CYP11B1: variants seen among roughly 807,000 people sequenced by gnomAD.
The protein encoded by CYP11B1 is cytochrome P450 11B1, mitochondrial.
CYP11B1 carries 34 observed loss-of-function variants against 48.3 expected under a neutral mutation model. That is an observed-to-expected ratio of 0.70 (90% CI 0.54 to 0.94). The LOEUF (loss-of-function observed/expected upper bound fraction) is 0.94, where lower values mean the gene tolerates loss of function less well. Among genes scored for constraint, CYP11B1 ranks in the 40% least tolerant of loss-of-function variants. CYP11B1 has a pLI of 0.00. For synonymous variants in CYP11B1, 291 were observed against 262.5 expected (o/e 1.11, Z -1.05); for missense variants, 688 against 657.4 (o/e 1.05, Z -0.51).
chr8:142,879,253 C>G, intron 1 of CYP11B1, 66 bp from the exon 2 acceptor site: 3 of 1,611,828 alleles, frequency 1.9e-6, no homozygotes, highest in Non-Finnish European at 2.5e-6. Flanking sequence ...CCCTGCAGTC[C>G]CAATCCAAAG....
Position 142,872,790 on chromosome 8 carries a change from G to A in CYP11B1, c.*1583C>T, listed in dbSNP as rs1203108540. 6.6e-6 allele frequency: 1 copy of A among 152,230 alleles called. No homozygotes were observed. Among genetic ancestry groups the A allele is most frequent in the African/African-American group, 2.4e-5 (1 of 41,456 alleles). The allele number at this position is 152,230 out of a possible 1,614,324, so 9.4% of individuals were successfully genotyped here. A position where few individuals can be genotyped will look rare whatever the true frequency, so the allele number is the denominator to read the frequency against. On this transcript the variant is annotated 3_prime_UTR_variant, in exon 9 of 9. Coordinates refer to ENST00000292427, the MANE Select transcript of CYP11B1 (RefSeq NM_000497.4). Reference sequence around the variant, plus strand: ...TAGGCTGAAATCTAGTCACCAAGGTGACGATAATAGCAGGGCCGGGCCTTT... The same window carrying A: ...TAGGCTGAAATCTAGTCACCAAGGTAACGATAATAGCAGGGCCGGGCCTTT...
intron 5 of CYP11B1, 125 bp downstream of exon 5, chr8:142,876,116 A>G: frequency 7.2e-7 from 1 of 1,383,310 alleles, no homozygotes; most frequent in Non-Finnish European, 1.0e-6. Flanking sequence ...CACAATCCCA[A>G]GTAAGAAATG....
At chr8:142,878,969 C>G in intron 2 of CYP11B1, 63 bp downstream of exon 2, 2 of 1,596,386 alleles carry the variant, frequency 1.3e-6, no homozygotes, top group Non-Finnish European at 1.7e-6. Context: ...GGTCCTGCCT[C>G]TCTCGCCTCC....
At position 142,876,761 on chromosome 8, in the gene CYP11B1, C is replaced by T; in HGVS notation, c.720G>A (p.Met240Ile). ...TGGTCCAGCGAGACAGGCTCCTGGGCATGAACATGAGCTGGACGGTGGATT... is the reference window on the plus strand; with the variant it reads ...TGGTCCAGCGAGACAGGCTCCTGGGTATGAACATGAGCTGGACGGTGGATT... ...MFKSTVQLMF[M>I]PRSLSRWTSP... Residue 240 changes from methionine (M) to isoleucine (I), a missense_variant, in exon 4 of 9, where the codon ATG becomes ATA. By Grantham distance (10) the Met-to-Ile change is conservative (BLOSUM62 1). Transcript: ENST00000292427. 1 of 1,614,050 alleles carries T rather than the reference C, an allele frequency of 6.2e-7. No individual in the cohort carries two copies. Among genetic ancestry groups the T allele is most frequent in the Admixed American group, 1.7e-5 (1 of 60,014 alleles).
At chr8:142,876,427 T>C in intron 4 of CYP11B1, 32 bp from the exon 5 acceptor site, 2 of 1,604,716 alleles carry the variant, frequency 1.2e-6, no homozygotes, top group East Asian at 4.5e-5. Flanking sequence ...GCCCTCAGAC[T>C]TTGGTGCTGG....
At position 142,875,728 on chromosome 8, in the gene CYP11B1, G is replaced by C. The variant is rs771110644; in HGVS notation, c.1105C>G (p.Leu369Val). ...AGCACCCACCGCAAGGTCTCCTTGAGGGCCGCACGCAGCAAGGGCAGCTCG... is the reference window on the plus strand; with the variant it reads ...AGCACCCACCGCAAGGTCTCCTTGACGGCCGCACGCAGCAAGGGCAGCTCG... ...TTELPLLRAA[L>V]KETLRLYPVG... is the part of the protein sequence containing the mutation. Residue 369 changes from leucine to valine, a missense_variant, in exon 6 of 9, where the codon CTC (leucine) becomes GTC (valine). Physicochemically the swap from Leu to Val is conservative, Grantham distance 32. Transcript: ENST00000292427. 1.9e-6 allele frequency: 3 copies of C among 1,613,994 alleles called. No individual in the cohort carries two copies. In the Admixed American group the frequency reaches 5.0e-5, roughly 27 times the overall value.
intron 8 of CYP11B1, among the ~76,000 whole-genome samples, chr8:142,874,754 G>C (rs1408453192): frequency 6.6e-6 from 1 of 152,126 alleles, no homozygotes; most frequent in Non-Finnish European, 1.5e-5. Context: ...ACCTCACCCA[G>C]ATGGTACGCT....
chr8:142,879,723 C>G lies in CYP11B1; in HGVS notation c.91G>C (p.Val31Leu), dbSNP rs1402877642. The change falls in exon 1 of 9, where the codon GTC becomes CTC. Residue 31 changes from valine (V) to leucine (L), a missense_variant. Transcript: ENST00000292427. Reference sequence around the variant, plus strand: ...TCAAAGGGCAGCACTGTCCTGGGGACCCGGGCGGCTCTCGTGCCCAGTGCC... The same window carrying G: ...TCAAAGGGCAGCACTGTCCTGGGGAGCCGGGCGGCTCTCGTGCCCAGTGCC... ...AQALGTRAAR[V>L]PRTVLPFEAM... 1 of 1,614,236 alleles carries G rather than the reference C, an allele frequency of 6.2e-7. No homozygotes were observed. The highest frequency in any genetic ancestry group is 8.5e-7 in the Non-Finnish European group (1 of 1,180,042).
rs1425271405 is a variant in CYP11B1, at chr8:142,879,602, G to T, written c.212C>A (p.Thr71Asn). The change falls in exon 1 of 9, where the codon ACC (threonine) becomes AAC (asparagine). Residue 71 changes from threonine (T) to asparagine (N), a missense_variant. By Grantham distance (65) the Thr-to-Asn change is moderately conservative. Coordinates refer to ENST00000292427, the MANE Select transcript of CYP11B1 (RefSeq NM_000497.4). Reference sequence around the variant, plus strand: ...GAAAATGGGCCCTAGTTCCTGGAAGGTCTGGTGTACTTCCAGGTGCAGGTC... The same window carrying T: ...GAAAATGGGCCCTAGTTCCTGGAAGTTCTGGTGTACTTCCAGGTGCAGGTC... ...YEDLHLEVHQ[T>N]FQELGPIFRY... 6.2e-7 allele frequency: 1 copy of T among 1,614,230 alleles called. No individual in the cohort carries two copies. The highest frequency in any genetic ancestry group is 1.7e-5 in the Admixed American group (1 of 60,034).
In CYP11B1 at chr8:142,876,837, CTG is replaced by C. The variant is rs1369163428; in HGVS notation, c.642_643del (p.His214GlnfsTer44). 14 of 1,614,028 alleles carry C rather than the reference CTG, an allele frequency of 8.7e-6. No homozygotes were observed. The highest frequency in any genetic ancestry group is 1.2e-5 in the Non-Finnish European group (14 of 1,180,040). On this transcript the variant is annotated frameshift_variant, in exon 4 of 9. Coordinates refer to ENST00000292427, the MANE Select transcript of CYP11B1 (RefSeq NM_000497.4). LOFTEE classifies it high-confidence loss of function. Reference sequence around the variant, plus strand: ...GAAGTTCAGGCTGGCAGAACTGGGGCTGTGGCCAACCAGGCCCAGCCGCTCTC... The same window carrying C: ...GAAGTTCAGGCTGGCAGAACTGGGGCTGGCCAACCAGGCCCAGCCGCTCTC...
Position 142,874,959 on chromosome 8 carries a change from G to C in CYP11B1, c.1396C>G (p.His466Asp). The part of the protein sequence containing the change: ...AEAEMLLLLH[H>D]VLKHLQVETL... ...CTCCCCAGCCCGGGCCTGCTCACAT[G>C]GTGCAGCAGCAGCAGCATCTCTGCC... The change falls in exon 8 of 9, where the codon CAT (histidine) becomes GAT (aspartate). Residue 466 changes from histidine (H) to aspartate (D), a missense_variant and splice_region_variant. Physicochemically the swap from His to Asp is moderately conservative, Grantham distance 81. Coordinates refer to ENST00000292427, the MANE Select transcript of CYP11B1 (RefSeq NM_000497.4). 6.2e-7 allele frequency: 1 copy of C among 1,613,424 alleles called. No individual in the cohort carries two copies. Among genetic ancestry groups the C allele is most frequent in the Non-Finnish European group, 8.5e-7 (1 of 1,180,006 alleles).
chr8:142,877,243 C>T (rs1039864381), intron 2 of CYP11B1, 21 bp from the exon 3 acceptor site: 3 of 1,592,602 alleles, frequency 1.9e-6, no homozygotes, highest in South Asian at 1.1e-5. Context: ...CAGGGCAGAG[C>T]TTGTGAGGCC....
At position 142,873,557 on chromosome 8, in the gene CYP11B1, C is replaced by T. The variant is rs61752803; in HGVS notation, c.*816G>A. On this transcript the variant is annotated 3_prime_UTR_variant, in exon 9 of 9. Transcript: ENST00000292427. ...TCCTTGTTGGCCCAATCCTGTCTCT[C>T]CTGTTGCCAAAAACATTTCTGGAAC... The T allele has an allele frequency of 6.6e-6, 1 of 152,322 alleles. No homozygotes were observed. Among genetic ancestry groups the T allele is most frequent in the African/African-American group, 2.4e-5 (1 of 41,460 alleles). The allele number at this position is 152,322 out of a possible 1,614,324, so 9.4% of individuals were successfully genotyped here.
chr8:142,872,563 C>G lies in CYP11B1; in HGVS notation c.*1810G>C, dbSNP rs1242419151. 1 of 152,160 alleles carries G rather than the reference C, an allele frequency of 6.6e-6. No individual in the cohort carries two copies. Among genetic ancestry groups the G allele is most frequent in the Non-Finnish European group, 1.5e-5 (1 of 68,036 alleles). The allele number at this position is 152,160 out of a possible 1,614,324, so 9.4% of individuals were successfully genotyped here. A position where few individuals can be genotyped will look rare whatever the true frequency, so the allele number is the denominator to read the frequency against. On this transcript the variant is annotated 3_prime_UTR_variant, in exon 9 of 9. Transcript: ENST00000292427. ...ACAGTTGGACTCAGGATAAATTGTA[C>G]CTTGAGTCTTACCCATGTTTGACTC...
Position 142,874,370 on chromosome 8 carries a change from T to A in CYP11B1, c.*3A>T, listed in dbSNP as rs1466562634. 9 of 1,608,130 alleles carry A rather than the reference T, an allele frequency of 5.6e-6. No homozygotes were observed. The highest frequency in any genetic ancestry group is 6.8e-6 in the Non-Finnish European group (8 of 1,174,884). On this transcript the variant is annotated 3_prime_UTR_variant, in exon 9 of 9. Coordinates refer to ENST00000292427, the MANE Select transcript of CYP11B1 (RefSeq NM_000497.4). Reference sequence around the variant, plus strand: ...GGCTGGGACCCTGGGTGCAGAGACGTGATTAGTTGATGGCTCTGAAGGTGA... The same window carrying A: ...GGCTGGGACCCTGGGTGCAGAGACGAGATTAGTTGATGGCTCTGAAGGTGA...
At chr8:142,874,615 C>T in intron 8 of CYP11B1, 129 bp from the exon 9 acceptor site, 1 of 751,630 alleles carries the variant, frequency 1.3e-6, no homozygotes, top group African/African-American at 1.7e-5. Context: ...CAACCTGTTT[C>T]ATTCCTGACC....
chr8:142,874,289 A>C lies in CYP11B1; in HGVS notation c.*84T>G, dbSNP rs1816865525. The stretch of plus-strand genomic sequence containing the variant: ...AGAGGGGTGACTCAGGAAGCTGTGC[A>C]TGTGGGAGAGAAGAGGGGTGGCCTG... On this transcript the variant is annotated 3_prime_UTR_variant, in exon 9 of 9. Coordinates refer to ENST00000292427, the MANE Select transcript of CYP11B1 (RefSeq NM_000497.4). The C allele has an allele frequency of 1.1e-6, 1 of 913,312 alleles. No individual in the cohort carries two copies. The highest frequency in any genetic ancestry group is 1.7e-5 in the Admixed American group (1 of 58,168). 56.6% of individuals were successfully genotyped at this position (913,312 alleles called of 1,614,324 possible).
Position 142,875,734 on chromosome 8 carries a change from C to A in CYP11B1, c.1099G>T (p.Ala367Ser), listed in dbSNP as rs746117732. 4 of 1,613,900 alleles carry A rather than the reference C, an allele frequency of 2.5e-6. No individual in the cohort carries two copies. In the East Asian group the frequency reaches 8.9e-5, roughly 36 times the overall value. Residue 367 changes from alanine (A) to serine (S), a missense_variant, in exon 6 of 9, where the codon GCG (alanine) becomes TCG (serine). Transcript: ENST00000292427. ...KATTELPLLR[A>S]ALKETLRLYP... ...CACCGCAAGGTCTCCTTGAGGGCCG[C>A]ACGCAGCAAGGGCAGCTCGGTGGTT...
chr8:142,875,405 C>G, intron 6 of CYP11B1, 93 bp from the exon 7 acceptor site: 1 of 1,404,352 alleles, frequency 7.1e-7, no homozygotes, highest in African/African-American at 1.5e-5. Flanking sequence ...CGCAGAGGTC[C>G]CAGATCCATG....
Sources: allele counts gnomAD v4.1 joint callset (sites outside exome capture counted in the v4.1 genomes callset), GRCh38; gene constraint gnomAD v4.1.1; transcripts MANE v1.5; gene names NCBI Gene and HGNC (gene_info 2026-07-23, HGNC 2026-07-21).